Variants in TRPM3 observed in about 807,000 individuals in gnomAD.
TRPM3 encodes the protein transient receptor potential cation channel subfamily M member 3, also known as long transient receptor potential channel 3.
In TRPM3, 77 loss-of-function variants were observed where a neutral mutation model predicts 181.2. That is an observed-to-expected ratio of 0.42 (90% CI 0.35 to 0.51). TRPM3 has a LOEUF of 0.51. Ranked by LOEUF, TRPM3 falls within the 20% of genes least tolerant of loss-of-function variation. TRPM3 has a pLI of 0.01. For synonymous variants in TRPM3, 745 were observed against 796.4 expected (o/e 0.94, Z 1.09); for missense variants, 1,759 against 2,196.7 (o/e 0.80, Z 3.98).
chr9:71,302,865 T>A (rs2086904066), intron 1 of TRPM3, among the ~76,000 whole-genome samples: 1 of 151,016 alleles, frequency 6.6e-6, no homozygotes, highest in Non-Finnish European at 1.5e-5. Flanking sequence ...CTGAAGAGAC[T>A]ACAAAGGGAG....
intron 1 of TRPM3, chr9:70,917,086 G>T (rs1322479170): frequency 7.5e-6 from 12 of 1,599,524 alleles, no homozygotes; most frequent in Non-Finnish European, 1.0e-5. Flanking sequence ...ACTGCAACAG[G>T]TCCACTTTCA....
At chr9:70,897,813 C>A (rs1371249370) in intron 1 of TRPM3, among the ~76,000 whole-genome samples, 2 of 152,138 alleles carry the variant, frequency 1.3e-5, no homozygotes, top group African/African-American at 2.4e-5. Flanking sequence ...AGAAGAAATT[C>A]TCTTTATTGT....
At chr9:70,933,863 TA>T (rs2096798623) in intron 1 of TRPM3, among the ~76,000 whole-genome samples, 1 of 152,018 alleles carries the variant, frequency 6.6e-6, no homozygotes, top group South Asian at 2.1e-4. Context: ...GTATAGAACT[TA>T]AAACCCAGGC....
At chr9:71,050,822 A>C (rs933381810) in intron 1 of TRPM3, among the ~76,000 whole-genome samples, 6 of 152,214 alleles carry the variant, frequency 3.9e-5, no homozygotes, top group Non-Finnish European at 8.8e-5. Flanking sequence ...CTCTCTTCAA[A>C]TATCTCTGGA....
At chr9:71,206,685 C>T (rs1182050362) in intron 1 of TRPM3, among the ~76,000 whole-genome samples, 1 of 152,004 alleles carries the variant, frequency 6.6e-6, no homozygotes, top group Non-Finnish European at 1.5e-5. Flanking sequence ...AATGGTATTG[C>T]CTAGGTTTTC....
intron 1 of TRPM3, among the ~76,000 whole-genome samples, chr9:70,956,334 G>T (rs2097071692): frequency 8.5e-6 from 1 of 118,186 alleles, no homozygotes. Context: ...AGAAAGCACT[G>T]GCTTCTGTTA....
rs1565556583 is a variant in TRPM3 at position 71,420,671 on chromosome 9, G to GAGAAAGGGAA, written c.183+25981_183+25982insTTCCCTTTCT. 2.9e-4 allele frequency among the ~76,000 whole-genome samples: 38 copies of GAGAAAGGGAA among 129,462 alleles called. 2 individuals carry two copies. Among genetic ancestry groups the GAGAAAGGGAA allele is most frequent in the Non-Finnish European group, 5.4e-4 (32 of 59,492 alleles). 84.9% of individuals were successfully genotyped at this position (129,462 alleles called of 152,430 possible). A position where few individuals can be genotyped will look rare whatever the true frequency, so the allele number is the denominator to read the frequency against. ...AAAGAGAAAGAAAAAGAGAAAGAAA[G>GAGAAAGGGAA]AGAGAAAGAAAGAGAAAGGGAAAGA... On this transcript the variant is annotated intron_variant, in intron 1 of 24. Transcript: ENST00000357533.
intron 22 of TRPM3, among the ~76,000 whole-genome samples, chr9:70,584,472 A>G (rs939446590): frequency 6.6e-6 from 1 of 152,164 alleles, no homozygotes; most frequent in African/African-American, 2.4e-5. Flanking sequence ...ATTGTGAACA[A>G]CTTCAATATC....
chr9:71,147,000 C>T (rs989617692), intron 1 of TRPM3, among the ~76,000 whole-genome samples: 6 of 152,078 alleles, frequency 3.9e-5, no homozygotes, highest in African/African-American at 1.2e-4. Context: ...AAAAGAAACC[C>T]GTCTGCGAGG....
At chr9:71,391,915 T>C (rs1486887104) in intron 1 of TRPM3, among the ~76,000 whole-genome samples, 1 of 152,058 alleles carries the variant, frequency 6.6e-6, no homozygotes, top group African/African-American at 2.4e-5. Flanking sequence ...CAATACATAA[T>C]TTATAACTGA....
In TRPM3 at chr9:70,639,082, C is replaced by T. The variant is rs2057668390; in HGVS notation, c.1559G>A (p.Arg520Lys). ...TACCGTATTGTACAATTCCTCTAGT[C>T]TGGAGATGGTGAGAAAACGGTGCAT... ...VSMHRFLTIS[R>K]LEELYNTRHG... The change falls in exon 11 of 26, where the codon AGA becomes AAA. Residue 520 changes from arginine to lysine, a missense_variant. Coordinates refer to ENST00000677713, the MANE Select transcript of TRPM3 (RefSeq NM_001366145.2). The T allele has an allele frequency of 6.2e-7, 1 of 1,613,772 alleles. No homozygotes were observed. The highest frequency in any genetic ancestry group is 1.7e-5 in the Admixed American group (1 of 59,956).
At chr9:71,247,353 C>CAAAAAAA (rs34584730) in intron 1 of TRPM3, among the ~76,000 whole-genome samples, 1 of 82,304 alleles carries the variant, frequency 1.2e-5, no homozygotes, top group African/African-American at 5.7e-5. Flanking sequence ...GACTCTGTCT[C>CAAAAAAA]AAAAAAAAAA....
At chr9:71,223,157 T>A (rs191159290) in intron 1 of TRPM3, among the ~76,000 whole-genome samples, 1 of 151,404 alleles carries the variant, frequency 6.6e-6, no homozygotes, top group African/African-American at 2.4e-5. Context: ...TCCAAAAGAG[T>A]CCCCTTCCTT....
rs186586098 is a variant in TRPM3, at chr9:71,316,102, G to A, written c.183+130551C>T. Reference sequence around the variant, plus strand: ...CTGCTACCCAGATTGGGAAACAGATGACAGGACAGGCCTAATAGTGTCATT... The same window carrying A: ...CTGCTACCCAGATTGGGAAACAGATAACAGGACAGGCCTAATAGTGTCATT... On this transcript the variant is annotated intron_variant, in intron 1 of 24. Transcript: ENST00000357533. Among the ~76,000 whole-genome samples, 136 of 152,296 alleles carry A rather than the reference G, an allele frequency of 8.9e-4. 1 individual carries two copies. Among genetic ancestry groups the A allele is most frequent in the Non-Finnish European group, 1.7e-3 (113 of 68,012 alleles).
intron 1 of TRPM3, among the ~76,000 whole-genome samples, chr9:71,198,595 G>C (rs1299192439): frequency 6.6e-6 from 1 of 151,770 alleles, no homozygotes; most frequent in Admixed American, 6.6e-5. Flanking sequence ...CACATCCCTT[G>C]TAAGTTGGAT....
intron 6 of TRPM3, chr9:70,825,247 T>A (rs929216756): frequency 6.6e-6 from 1 of 152,240 alleles, no homozygotes; most frequent in Non-Finnish European, 1.5e-5. Flanking sequence ...AGCTAACTCT[T>A]GACATTCACT....
intron 6 of TRPM3, among the ~76,000 whole-genome samples, chr9:70,810,879 G>C (rs1320891644): frequency 6.6e-6 from 1 of 152,140 alleles, no homozygotes; most frequent in Non-Finnish European, 1.5e-5. Flanking sequence ...AGTATTAAAA[G>C]AGATAGTATA....
intron 1 of TRPM3, among the ~76,000 whole-genome samples, chr9:71,409,878 T>C (rs2093511151): frequency 6.6e-6 from 1 of 152,090 alleles, no homozygotes; most frequent in Non-Finnish European, 1.5e-5. Flanking sequence ...CCTCAGCAAA[T>C]GTAAAAGAAA....
intron 1 of TRPM3, among the ~76,000 whole-genome samples, chr9:71,158,825 A>G (rs370468753): frequency 1.3e-5 from 2 of 152,254 alleles, no homozygotes; most frequent in East Asian, 3.9e-4. Flanking sequence ...GGCTGGCATC[A>G]TCAATCCACT....
Sources: allele counts gnomAD v4.1 joint callset (sites outside exome capture counted in the v4.1 genomes callset), GRCh38; gene constraint gnomAD v4.1.1; transcripts MANE v1.5; gene names NCBI Gene and HGNC (gene_info 2026-07-23, HGNC 2026-07-21).